The following CDH12 variants were observed in gnomAD, a reference collection of about 807,000 sequenced individuals.
CDH12 encodes cadherin-12.
A neutral mutation model predicts 74.1 loss-of-function variants in CDH12; 41 were observed. The ratio of observed to expected loss-of-function variants is 0.55; its 90% CI spans 0.43 to 0.72. The LOEUF (loss-of-function observed/expected upper bound fraction) is 0.72. Ranked by LOEUF, CDH12 falls within the 30% of genes least tolerant of loss-of-function variation. The probability of loss-of-function intolerance (pLI) is 0.00; values close to 1 mark genes in which losing one functional copy is unlikely to be tolerated. For synonymous variants in CDH12, 399 were observed against 355.0 expected, an observed-to-expected ratio of 1.12 and a Z score of -1.39; for missense variants, 945 against 977.2, an observed-to-expected ratio of 0.97 and a Z score of 0.44.
intron 1 of CDH12, among the ~76,000 whole-genome samples, chr5:22,708,768 A>C (rs779706478): frequency 1.3e-5 from 2 of 152,240 alleles, no homozygotes; most frequent in African/African-American, 4.8e-5. Context: ...TAAATAAAAT[A>C]GAAAAATGAA....
chr5:22,213,711 C>T (rs1751680410), intron 3 of CDH12: 1 of 152,212 alleles, frequency 6.6e-6, no homozygotes, highest in Admixed American at 6.5e-5. Context: ...TGACAGCTCT[C>T]ACTTTTGCAG....
At chr5:22,132,745 A>G (rs1384661820) in intron 4 of CDH12, among the ~76,000 whole-genome samples, 1 of 152,116 alleles carries the variant, frequency 6.6e-6, no homozygotes, top group Non-Finnish European at 1.5e-5. Context: ...ACTTTCAAAA[A>G]GAGAGACCAC....
intron 1 of CDH12, among the ~76,000 whole-genome samples, chr5:22,626,827 C>T (rs142961114): frequency 6.6e-6 from 1 of 151,924 alleles, no homozygotes; most frequent in African/African-American, 2.4e-5. Flanking sequence ...AAAGTTGAAG[C>T]CCAATTTAAA....
chr5:22,036,579 CGT>C (rs892350757), intron 5 of CDH12, among the ~76,000 whole-genome samples: 1 of 151,980 alleles, frequency 6.6e-6, no homozygotes, highest in African/African-American at 2.4e-5. Context: ...CGTGTGCGTG[CGT>C]GTGTGTTTTG....
chr5:21,794,521 A>G (rs890977329), intron 10 of CDH12, among the ~76,000 whole-genome samples: 5 of 151,558 alleles, frequency 3.3e-5, no homozygotes, highest in Admixed American at 3.3e-4. Context: ...TAAATTCTAC[A>G]TCTCCTTTTA....
At chr5:22,689,743 A>C (rs1319558787) in intron 1 of CDH12, among the ~76,000 whole-genome samples, 1 of 152,136 alleles carries the variant, frequency 6.6e-6, no homozygotes, top group African/African-American at 2.4e-5. Context: ...ATTTTAAAAA[A>C]CTATTCACAG....
chr5:22,362,637 T>C (rs1432330067), intron 3 of CDH12, among the ~76,000 whole-genome samples: 2 of 151,968 alleles, frequency 1.3e-5, no homozygotes, highest in Non-Finnish European at 2.9e-5. Flanking sequence ...CACACATATG[T>C]TTATTGTGGC....
At chr5:21,765,238 G>T (rs961309864) in intron 11 of CDH12, 139 bp from the exon 12 acceptor site, 12 of 602,792 alleles carry the variant, frequency 2.0e-5, no homozygotes, top group African/African-American at 1.7e-4. Flanking sequence ...AATCCTGGGG[G>T]TTCCAACTAC....
chr5:22,035,944 A>G (rs1008923867), intron 5 of CDH12, among the ~76,000 whole-genome samples: 19 of 152,192 alleles, frequency 1.2e-4, no homozygotes, highest in African/African-American at 4.6e-4. Context: ...ATCCTCTGAA[A>G]TTCATTGATT....
chr5:22,016,361 CT>C (rs1737606736), intron 5 of CDH12, among the ~76,000 whole-genome samples: 1 of 152,098 alleles, frequency 6.6e-6, no homozygotes, highest in Middle Eastern at 3.4e-3. Flanking sequence ...GTAATCTTTT[CT>C]GCTCCCATTT....
intron 1 of CDH12, among the ~76,000 whole-genome samples, chr5:22,584,113 A>T (rs796240915): frequency 2.1e-5 from 2 of 96,128 alleles, no homozygotes; most frequent in African/African-American, 8.8e-5. Context: ...TTTATTTATT[A>T]TTTTTGAGAC....
At chr5:22,786,880 G>A (rs566774487) in intron 1 of CDH12, among the ~76,000 whole-genome samples, 64 of 151,830 alleles carry the variant, frequency 4.2e-4, no homozygotes, top group African/African-American at 1.5e-3. Flanking sequence ...CACCACATCT[G>A]GCTAATTTTT....
intron 3 of CDH12, among the ~76,000 whole-genome samples, chr5:22,223,690 C>T (rs191910619): frequency 1.3e-5 from 2 of 152,016 alleles, no homozygotes; most frequent in East Asian, 1.9e-4. Context: ...TGCTCCTCAG[C>T]GTTCTCAGAA....
At chr5:22,017,113 C>G (rs1737657364) in intron 5 of CDH12, among the ~76,000 whole-genome samples, 1 of 152,092 alleles carries the variant, frequency 6.6e-6, no homozygotes, top group Non-Finnish European at 1.5e-5. Context: ...CATAGACTAC[C>G]TTGCTTTGAC....
intron 1 of CDH12, among the ~76,000 whole-genome samples, chr5:22,815,732 T>G (rs1749356455): frequency 7.1e-6 from 1 of 140,914 alleles, no homozygotes; most frequent in Non-Finnish European, 1.5e-5. Flanking sequence ...ATCATGCTGC[T>G]GCACTCCAGC....
At chr5:22,346,738 G>A (rs915129805) in intron 3 of CDH12, among the ~76,000 whole-genome samples, 6 of 152,146 alleles carry the variant, frequency 3.9e-5, no homozygotes, top group Non-Finnish European at 7.3e-5. Flanking sequence ...CCCACTACGA[G>A]CTCTTGCTAA....
intron 1 of CDH12, among the ~76,000 whole-genome samples, chr5:22,705,765 A>T (rs991183822): frequency 2.6e-5 from 4 of 152,102 alleles, no homozygotes; most frequent in African/African-American, 9.7e-5. Flanking sequence ...AATACAATGA[A>T]AAAAAGCATT....
chr5:22,136,027 A>C (rs1021062091), intron 4 of CDH12, among the ~76,000 whole-genome samples: 44 of 152,208 alleles, frequency 2.9e-4, no homozygotes, highest in Admixed American at 9.8e-4. Context: ...TTGGAATTGA[A>C]GAATAAACTA....
chr5:22,552,566 C>T (rs1402052330), intron 1 of CDH12, among the ~76,000 whole-genome samples: 2 of 151,814 alleles, frequency 1.3e-5, no homozygotes, highest in South Asian at 2.1e-4. Flanking sequence ...ATAGCTGGAA[C>T]TACAGGCACC....
Sources: gnomAD v4.1 joint callset for allele counts (sites outside exome capture counted in the v4.1 genomes callset) on GRCh38, gnomAD v4.1.1 for gene constraint, MANE v1.5 for transcripts, NCBI Gene and HGNC (gene_info 2026-07-23, HGNC 2026-07-21) for gene names.